Variants in EIF2AK3 observed in about 807,000 individuals in gnomAD.
EIF2AK3 encodes eukaryotic translation initiation factor 2-alpha kinase 3.
Under a neutral mutation model 113.5 loss-of-function variants are expected in EIF2AK3, and 50 were observed. The ratio of observed to expected loss-of-function variants is 0.44; its 90% CI spans 0.35 to 0.56. The LOEUF (loss-of-function observed/expected upper bound fraction) is 0.56, where lower values mean the gene tolerates loss of function less well. Ranked by LOEUF, EIF2AK3 falls within the 20% of genes least tolerant of loss-of-function variation. The pLI is 0.00. For synonymous variants in EIF2AK3, 448 were observed against 495.4 expected, an observed-to-expected ratio of 0.90 and a Z score of 1.27; for missense variants, 1,185 against 1,378.0, an observed-to-expected ratio of 0.86 and a Z score of 2.22.
At position 88,575,327 on chromosome 2, in the gene EIF2AK3, C is replaced by T. The variant is rs746223755; in HGVS notation, c.2156G>A (p.Ser719Asn). Residue 719 changes from serine (S) to asparagine (N), a missense_variant, in exon 13 of 17, where the codon AGC (serine) becomes AAC (asparagine). This residue lies in a region of EIF2AK3 where 877 missense variants were observed against 1,024.2 expected (regional missense o/e 0.86). Coordinates refer to ENST00000303236, the MANE Select transcript of EIF2AK3 (RefSeq NM_004836.7). ...GGAAATCCCTACTGAAAAAGACCTG[C>T]TTCTTTGTGGTGAAGGAGCTATGAT... ...IEIIAPSPQR[S>N]RSFSVGISCD... The T allele has an allele frequency of 6.2e-7, 1 of 1,614,174 alleles. No individual in the cohort carries two copies. Among genetic ancestry groups the T allele is most frequent in the Non-Finnish European group, 8.5e-7 (1 of 1,180,008 alleles).
At chr2:88,589,817 AGGATTACAGGT>A (rs1674837078) in intron 6 of EIF2AK3, among the ~76,000 whole-genome samples, 1 of 152,024 alleles carries the variant, frequency 6.6e-6, no homozygotes, top group African/African-American at 2.4e-5. Context: ...TGGAGTAGCT[AGGATTACAGGT>A]GCGTGCCACC....
rs768991026 is a variant in EIF2AK3 at position 88,588,909 on chromosome 2, A to G, written c.1166-8T>C. ...GCTGGCCTCTATACATTCCTGAATC[A>G]ACCAGAACATTGTCAATTATGCATT... On this transcript the variant is annotated splice_region_variant and splice_polypyrimidine_tract_variant and intron_variant, in intron 6 of 16. Coordinates refer to ENST00000303236, the MANE Select transcript of EIF2AK3 (RefSeq NM_004836.7). The G allele has an allele frequency of 6.2e-7, 1 of 1,613,222 alleles. No individual in the cohort carries two copies. The highest frequency in any genetic ancestry group is 1.1e-5 in the South Asian group (1 of 90,888).
chr2:88,577,189 G>T (rs1674483678), intron 11 of EIF2AK3, among the ~76,000 whole-genome samples: 1 of 152,026 alleles, frequency 6.6e-6, no homozygotes, highest in East Asian at 1.9e-4. Context: ...CACCATGTTG[G>T]TCAGGCTAGT....
intron 16 of EIF2AK3, among the ~76,000 whole-genome samples, chr2:88,558,472 A>G (rs1333595861): frequency 1.3e-5 from 2 of 152,228 alleles, no homozygotes; most frequent in Non-Finnish European, 2.9e-5. Flanking sequence ...CTGGGAATAG[A>G]TTCATCAAGT....
At position 88,627,296 on chromosome 2, in the gene EIF2AK3, G is replaced by A. The variant is rs1325776068; in HGVS notation, c.-22C>T. On this transcript the variant is annotated 5_prime_UTR_variant, in exon 1 of 17. Coordinates refer to ENST00000303236, the MANE Select transcript of EIF2AK3 (RefSeq NM_004836.7). ...CCATCAGCGTCCCGCCCCGCGCGCA[G>A]GCATGGAGGCGCAGCCACTGACGCC... is the stretch of plus-strand genomic sequence containing the variant. 1 of 1,478,462 alleles carries A rather than the reference G, an allele frequency of 6.8e-7. No individual in the cohort carries two copies. The allele number at this position is 1,478,462 out of a possible 1,614,324, so 91.6% of individuals were successfully genotyped here. A position where few individuals can be genotyped will look rare whatever the true frequency, so the allele number is the denominator to read the frequency against.
chr2:88,625,529 A>G (rs1322436334), intron 1 of EIF2AK3, among the ~76,000 whole-genome samples: 1 of 152,148 alleles, frequency 6.6e-6, no homozygotes, highest in Non-Finnish European at 1.5e-5. Flanking sequence ...ACCTTGGGAC[A>G]TCCCTGACAC....
intron 3 of EIF2AK3, chr2:88,594,031 C>A: frequency 1.5e-5 from 12 of 803,260 alleles, no homozygotes; most frequent in South Asian, 5.7e-5. Flanking sequence ...GTGCTTTGCT[C>A]AAAAAACGGC....
At chr2:88,603,551 T>A (rs189507501) in intron 2 of EIF2AK3, among the ~76,000 whole-genome samples, 1 of 152,338 alleles carries the variant, frequency 6.6e-6, no homozygotes, top group East Asian at 1.9e-4. Flanking sequence ...TTATACATAT[T>A]CATAAAGTCT....
intron 15 of EIF2AK3, among the ~76,000 whole-genome samples, chr2:88,559,510 C>CTGTGTGTGTGTGTG (rs141821640): frequency 5.4e-4 from 77 of 141,424 alleles, no homozygotes; most frequent in African/African-American, 1.9e-3. Context: ...ACCAAGATGA[C>CTGTGTGTGTGTGTG]TGTGTGTGTG....
chr2:88,623,361 A>C (rs1675780814), intron 1 of EIF2AK3, among the ~76,000 whole-genome samples: 1 of 152,228 alleles, frequency 6.6e-6, no homozygotes, highest in Admixed American at 6.5e-5. Context: ...AGTTTATTTT[A>C]GCTAACTTTT....
Position 88,556,929 on chromosome 2 carries a change from T to TAATC in EIF2AK3, c.*803_*806dup, listed in dbSNP as rs1673793419. The TAATC allele has an allele frequency of 6.6e-6, 1 of 152,166 alleles. No homozygotes were observed. Among genetic ancestry groups the TAATC allele is most frequent in the African/African-American group, 2.4e-5 (1 of 41,454 alleles). The allele number at this position is 152,166 out of a possible 1,614,324, so 9.4% of individuals were successfully genotyped here. On this transcript the variant is annotated 3_prime_UTR_variant, in exon 17 of 17. Transcript: ENST00000303236. The stretch of plus-strand genomic sequence containing the variant: ...AGTGAGATGATTAAACTGTTACCTA[T>TAATC]AATCAGTTTGGGGGAAGTACCAACC...
chr2:88,591,131 A>T (rs1674879521), intron 4 of EIF2AK3, 79 bp from the exon 5 acceptor site: 26 of 1,250,648 alleles, frequency 2.1e-5, no homozygotes, highest in Non-Finnish European at 3.0e-5. Context: ...TCTAGATTGA[A>T]GAAGCAAATA....
chr2:88,594,070 C>T, intron 3 of EIF2AK3: 4 of 319,568 alleles, frequency 1.3e-5, no homozygotes, highest in Non-Finnish European at 1.8e-5. Context: ...CTCCTCAACA[C>T]AATGCAGATG....
At chr2:88,583,349 C>T in intron 10 of EIF2AK3, 81 bp downstream of exon 10, 2 of 1,025,720 alleles carry the variant, frequency 1.9e-6, no homozygotes, top group South Asian at 1.4e-5. Flanking sequence ...TCTAGATATC[C>T]ACACATTAAA....
At chr2:88,599,720 G>A (rs898717272) in intron 2 of EIF2AK3, among the ~76,000 whole-genome samples, 2 of 152,100 alleles carry the variant, frequency 1.3e-5, no homozygotes, top group Non-Finnish European at 2.9e-5. Context: ...AACAGATAGC[G>A]TTTATTTTGA....
intron 9 of EIF2AK3, among the ~76,000 whole-genome samples, 159 bp from the exon 10 acceptor site, chr2:88,583,701 A>G (rs1158851843): frequency 6.6e-6 from 1 of 152,218 alleles, no homozygotes; most frequent in Non-Finnish European, 1.5e-5. Flanking sequence ...GCTTTATTAT[A>G]AAAGAAAAAA....
chr2:88,575,644 A>C, intron 12 of EIF2AK3, 198 bp from the exon 13 acceptor site: 2 of 651,956 alleles, frequency 3.1e-6, no homozygotes, highest in East Asian at 5.6e-5. Flanking sequence ...TAAAAAACTT[A>C]ATTTTAAAGC....
chr2:88,604,223 C>G (rs1321645302), intron 2 of EIF2AK3, among the ~76,000 whole-genome samples: 1 of 152,286 alleles, frequency 6.6e-6, no homozygotes, highest in East Asian at 1.9e-4. Flanking sequence ...ACATAGCTTA[C>G]TAGACCCTGC....
At chr2:88,618,998 T>C (rs1675653312) in intron 1 of EIF2AK3, among the ~76,000 whole-genome samples, 1 of 151,526 alleles carries the variant, frequency 6.6e-6, no homozygotes, top group African/African-American at 2.4e-5. Context: ...TCATCTATCA[T>C]TCTTTTTTTT....
Sources: allele counts gnomAD v4.1 joint callset (sites outside exome capture counted in the v4.1 genomes callset), GRCh38; gene constraint gnomAD v4.1.1; regional missense constraint gnomAD v4.1.1; transcripts MANE v1.5; gene names NCBI Gene and HGNC (gene_info 2026-07-23, HGNC 2026-07-21).